Variants in TBCE observed in about 807,000 individuals in gnomAD.
TBCE encodes tubulin-specific chaperone E.
In TBCE, 53 loss-of-function variants were observed where a neutral mutation model predicts 77.0. That is an observed-to-expected ratio of 0.69 (90% CI 0.55 to 0.87). TBCE has a LOEUF of 0.87. TBCE is among the 40% of genes least tolerant of loss of function. The probability of loss-of-function intolerance (pLI) is 0.00; values close to 1 mark genes in which losing one functional copy is unlikely to be tolerated. For synonymous variants in TBCE, 235 were observed against 241.3 expected (o/e 0.97, Z 0.24); for missense variants, 624 against 622.4 (o/e 1.00, Z -0.03).
At chr1:235,428,631 C>T (rs1680880956) in intron 6 of TBCE, among the ~76,000 whole-genome samples, 1 of 147,368 alleles carries the variant, frequency 6.8e-6, no homozygotes, top group African/African-American at 2.5e-5. Flanking sequence ...TTTAAGGACA[C>T]TTTATTTATT....
At chr1:235,441,326 G>A in intron 13 of TBCE, 1 of 203,438 alleles carries the variant, frequency 4.9e-6, no homozygotes, top group African/African-American at 2.3e-5. Flanking sequence ...TGAGCACCCA[G>A]CCTGGCACTG....
chr1:235,409,009 C>CTT (rs10565716), intron 3 of TBCE, among the ~76,000 whole-genome samples: 4 of 138,628 alleles, frequency 2.9e-5, no homozygotes, highest in Non-Finnish European at 3.1e-5. Flanking sequence ...AACAGCCAAT[C>CTT]TTTTTTTTTT....
intron 2 of TBCE, among the ~76,000 whole-genome samples, chr1:235,385,646 CT>C (rs911115853): frequency 2.0e-5 from 3 of 152,006 alleles, no homozygotes; most frequent in Admixed American, 2.0e-4. Flanking sequence ...CAACCCCTGC[CT>C]TTTTTTGTTT....
At chr1:235,370,560 T>C (rs1169184991) in intron 1 of TBCE, among the ~76,000 whole-genome samples, 2 of 151,514 alleles carry the variant, frequency 1.3e-5, no homozygotes, top group African/African-American at 4.9e-5. Context: ...ATTTTTTTTT[T>C]TTTTTTGGGA....
At chr1:235,409,553 G>C (rs1369466995) in intron 3 of TBCE, among the ~76,000 whole-genome samples, 2 of 151,784 alleles carry the variant, frequency 1.3e-5, no homozygotes, top group African/African-American at 4.8e-5. Flanking sequence ...AGAAAATATT[G>C]ATCTTTAGTG....
At chr1:235,381,069 C>T (rs763474798) in intron 2 of TBCE, among the ~76,000 whole-genome samples, 10 of 152,062 alleles carry the variant, frequency 6.6e-5, no homozygotes, top group South Asian at 2.1e-4. Flanking sequence ...TGTGAGCCAC[C>T]GTGCCTGGCC....
chr1:235,373,704 G>A lies in TBCE; in HGVS notation c.-32+6200G>A, dbSNP rs545142171. 6.5e-4 allele frequency among the ~76,000 whole-genome samples: 98 copies of A among 150,638 alleles called. 1 individual carries two copies. Among genetic ancestry groups the A allele is most frequent in the Admixed American group, 4.2e-3 (64 of 15,146 alleles). On this transcript the variant is annotated intron_variant, in intron 1 of 16. Transcript: ENST00000642610. ...CGCTCTGTCGCCCAGGCTGAAGTGC[G>A]GTGGCGCGATCTCGGCTCACTGCAA...
In TBCE at chr1:235,414,432, G is replaced by C; in HGVS notation, c.186-1G>C. On this transcript the variant is annotated splice_acceptor_variant, in intron 3 of 16. Coordinates refer to ENST00000642610, the MANE Select transcript of TBCE (RefSeq NM_003193.5). LOFTEE classifies it high-confidence loss of function. ...GTGTTTCATTTGCTCTTCTTTACCA[G>C]GCACCCGACAGGAGGATCCTTTATT... The C allele has an allele frequency of 6.2e-7, 1 of 1,613,214 alleles. No individual in the cohort carries two copies. Among genetic ancestry groups the C allele is most frequent in the East Asian group, 2.2e-5 (1 of 44,854 alleles).
intron 7 of TBCE, chr1:235,433,552 A>C (rs1340118089): frequency 6.5e-6 from 1 of 153,532 alleles, no homozygotes; most frequent in African/African-American, 2.4e-5. Flanking sequence ...AATGGGTTTC[A>C]TCATGTTGGC....
At position 235,401,605 on chromosome 1, in the gene TBCE, A is replaced by G; in HGVS notation, c.185+18A>G. 6.3e-7 allele frequency: 1 copy of G among 1,591,412 alleles called. No homozygotes were observed. The highest frequency in any genetic ancestry group is 8.6e-7 in the Non-Finnish European group (1 of 1,159,718). On this transcript the variant is annotated intron_variant, in intron 3 of 16. Coordinates refer to ENST00000642610, the MANE Select transcript of TBCE (RefSeq NM_003193.5). ...AAATGCAGGTAACTTTTCATTATGA[A>G]TCAGCACGGTCATTTAGTCAAGATT...
At position 235,419,353 on chromosome 1, in the gene TBCE, C is replaced by T. The variant is rs1317081220; in HGVS notation, c.372-120C>T. On this transcript the variant is annotated intron_variant, in intron 4 of 16. Coordinates refer to ENST00000642610, the MANE Select transcript of TBCE (RefSeq NM_003193.5). ...TATTTCTTAATTTGGGTGGTGGTTA[C>T]TGGTATTTGTATATTATTTTTGGTA... 2.9e-6 allele frequency: 4 copies of T among 1,400,702 alleles called. No individual in the cohort carries two copies. The East Asian group carries it at 9.5e-5, about 33-fold the overall frequency. The allele number at this position is 1,400,702 out of a possible 1,614,324, so 86.8% of individuals were successfully genotyped here.
At chr1:235,427,382 T>G in intron 6 of TBCE, 143 bp downstream of exon 6, 1 of 712,782 alleles carries the variant, frequency 1.4e-6, no homozygotes, top group Non-Finnish European at 2.5e-6. Flanking sequence ...AAGGAATTAC[T>G]CAGGCTGATA....
chr1:235,395,507 C>T (rs923356031), intron 2 of TBCE, among the ~76,000 whole-genome samples: 1 of 151,750 alleles, frequency 6.6e-6, no homozygotes, highest in African/African-American at 2.4e-5. Flanking sequence ...CCCTGCCCAG[C>T]CCCCCAGCCT....
chr1:235,432,263 C>T (rs749283497), intron 7 of TBCE, among the ~76,000 whole-genome samples: 4 of 152,216 alleles, frequency 2.6e-5, no homozygotes, highest in South Asian at 4.1e-4. Flanking sequence ...GGATTACAGG[C>T]GTGAGCCACT....
Position 235,452,162 on chromosome 1 carries a change from G to C in TBCE, c.*3400G>C, listed in dbSNP as rs945388291. The C allele has an allele frequency of 6.6e-6, 1 of 152,174 alleles. No individual in the cohort carries two copies. The highest frequency in any genetic ancestry group is 6.6e-5 in the Admixed American group (1 of 15,248). 9.4% of individuals were successfully genotyped at this position (152,174 alleles called of 1,614,324 possible). On this transcript the variant is annotated 3_prime_UTR_variant, in exon 17 of 17. Transcript: ENST00000642610. ...TGAGTAGCTGGGACCACAGGCGCCC[G>C]CCACTATGCCTGGCTAATTTTTTTT...
chr1:235,372,691 G>A (rs925948082), intron 1 of TBCE, among the ~76,000 whole-genome samples: 3 of 151,840 alleles, frequency 2.0e-5, no homozygotes, highest in South Asian at 2.1e-4. Context: ...TTGGGAGGCC[G>A]AGGCGGGCGG....
At chr1:235,438,420 C>T (rs950521554) in intron 12 of TBCE, among the ~76,000 whole-genome samples, 1 of 152,096 alleles carries the variant, frequency 6.6e-6, no homozygotes, top group African/African-American at 2.4e-5. Flanking sequence ...TTGTGGCATG[C>T]ACCTGTAATC....
chr1:235,398,184 C>T (rs1433744651), intron 2 of TBCE, among the ~76,000 whole-genome samples: 2 of 147,112 alleles, frequency 1.4e-5, no homozygotes, highest in African/African-American at 2.5e-5. Context: ...TTGTTCTTGT[C>T]GCCCAGGTTG....
chr1:235,373,350 TCAGAA>T (rs1677089322), intron 1 of TBCE, among the ~76,000 whole-genome samples: 1 of 152,064 alleles, frequency 6.6e-6, no homozygotes, highest in Non-Finnish European at 1.5e-5. Context: ...TGGTAGTAAA[TCAGAA>T]ATGGCTTTGG....
Sources: gnomAD v4.1 joint callset for allele counts (sites outside exome capture counted in the v4.1 genomes callset) on GRCh38, gnomAD v4.1.1 for gene constraint, MANE v1.5 for transcripts, NCBI Gene and HGNC (gene_info 2026-07-23, HGNC 2026-07-21) for gene names.